The following ARHGAP10 variants were observed in gnomAD, a reference collection of about 807,000 sequenced individuals.
ARHGAP10 encodes Rho GTPase activating protein 10, also known as rho GTPase-activating protein 10.
ARHGAP10 carries 87 observed loss-of-function variants against 108.6 expected under a neutral mutation model. That is an observed-to-expected ratio of 0.80 (90% CI 0.67 to 0.96). ARHGAP10 has a LOEUF of 0.96. ARHGAP10 is among the 40% of genes least tolerant of loss of function. The pLI is 0.00. For missense variants in ARHGAP10, 939 were observed against 954.5 expected, an observed-to-expected ratio of 0.98 and a Z score of 0.21; for synonymous variants, 347 against 341.1, an observed-to-expected ratio of 1.02 and a Z score of -0.19.
At chr4:148,066,020 A>G (rs1055245248) in intron 22 of ARHGAP10, among the ~76,000 whole-genome samples, 1 of 150,778 alleles carries the variant, frequency 6.6e-6, no homozygotes, top group Non-Finnish European at 1.5e-5. Context: ...TAGTTTACAC[A>G]ATAGTAAGTG....
At chr4:147,821,048 G>A (rs1732473662) in intron 1 of ARHGAP10, among the ~76,000 whole-genome samples, 1 of 152,164 alleles carries the variant, frequency 6.6e-6, no homozygotes, top group African/African-American at 2.4e-5. Context: ...CCTCATGCAT[G>A]TACAGGGCTG....
At chr4:148,039,142 A>C (rs756176487) in intron 19 of ARHGAP10, among the ~76,000 whole-genome samples, 69 of 152,132 alleles carry the variant, frequency 4.5e-4, no homozygotes, top group Non-Finnish European at 8.2e-4. Flanking sequence ...TTAAAAGACA[A>C]CAATGGACAT....
At chr4:147,830,335 C>T (rs1258211312) in intron 3 of ARHGAP10, among the ~76,000 whole-genome samples, 2 of 152,106 alleles carry the variant, frequency 1.3e-5, no homozygotes, top group African/African-American at 4.8e-5. Flanking sequence ...GATGCCTGCT[C>T]TCTCAGCCCT....
intron 1 of ARHGAP10, among the ~76,000 whole-genome samples, chr4:147,753,412 C>T (rs560537611): frequency 3.3e-5 from 5 of 150,670 alleles, no homozygotes; most frequent in East Asian, 1.9e-4. Context: ...GATGTGATCT[C>T]GGCTCACTAC....
At chr4:147,933,183 T>G (rs1328596744) in intron 13 of ARHGAP10, among the ~76,000 whole-genome samples, 1 of 152,242 alleles carries the variant, frequency 6.6e-6, no homozygotes, top group Non-Finnish European at 1.5e-5. Flanking sequence ...TATTGCCTGT[T>G]AGGTGAGGCC....
intron 3 of ARHGAP10, among the ~76,000 whole-genome samples, chr4:147,833,278 C>G (rs1312524077): frequency 6.6e-6 from 1 of 152,136 alleles, no homozygotes; most frequent in Non-Finnish European, 1.5e-5. Flanking sequence ...CAGTTTTCCC[C>G]ATGCTGTTCT....
chr4:147,825,140 T>A (rs1732654739), intron 3 of ARHGAP10, among the ~76,000 whole-genome samples: 1 of 151,092 alleles, frequency 6.6e-6, no homozygotes, highest in Non-Finnish European at 1.5e-5. Flanking sequence ...GGGAGGACAC[T>A]GATTTGGATT....
chr4:147,991,822 C>A (rs1412268604), intron 18 of ARHGAP10, among the ~76,000 whole-genome samples: 1 of 152,178 alleles, frequency 6.6e-6, no homozygotes, highest in Non-Finnish European at 1.5e-5. Context: ...CGCTGAGTAC[C>A]TTTTAACTGC....
At chr4:147,907,715 A>G (rs947492805) in intron 11 of ARHGAP10, among the ~76,000 whole-genome samples, 2 of 152,192 alleles carry the variant, frequency 1.3e-5, no homozygotes, top group African/African-American at 2.4e-5. Flanking sequence ...CTAAATTAAC[A>G]TAGTATAAAA....
At chr4:147,766,801 T>C (rs1468116184) in intron 1 of ARHGAP10, among the ~76,000 whole-genome samples, 102 of 3,508 alleles carry the variant, frequency 0.029, 1 homozygote, top group Admixed American at 0.044. Flanking sequence ...TATATTCACA[T>C]ATATATATAT....
At chr4:147,991,980 A>G (rs1740295173) in intron 18 of ARHGAP10, among the ~76,000 whole-genome samples, 1 of 152,234 alleles carries the variant, frequency 6.6e-6, no homozygotes, top group African/African-American at 2.4e-5. Context: ...GCCACATTCA[A>G]AAAGTGCAGG....
intron 1 of ARHGAP10, among the ~76,000 whole-genome samples, chr4:147,758,964 C>A (rs1302980930): frequency 4.4e-5 from 6 of 136,348 alleles, no homozygotes; most frequent in Non-Finnish European, 7.7e-5. Context: ...GGGTAACAGA[C>A]TCTGTCTCAA....
At chr4:148,021,457 TGTATG>T (rs1287652125) in intron 18 of ARHGAP10, among the ~76,000 whole-genome samples, 2 of 152,264 alleles carry the variant, frequency 1.3e-5, no homozygotes, top group African/African-American at 2.4e-5. Context: ...ACTGGCTGTG[TGTATG>T]GTTTGGTTTT....
At chr4:148,028,505 A>G (rs2149667550) in intron 19 of ARHGAP10, among the ~76,000 whole-genome samples, 1 of 152,296 alleles carries the variant, frequency 6.6e-6, no homozygotes, top group Non-Finnish European at 1.5e-5. Flanking sequence ...TCAGTTGTTA[A>G]TGTGTTTAGC....
chr4:147,808,219 G>C (rs1044453716), intron 1 of ARHGAP10, among the ~76,000 whole-genome samples: 1 of 152,120 alleles, frequency 6.6e-6, no homozygotes, highest in Non-Finnish European at 1.5e-5. Flanking sequence ...CTGGCAGGGG[G>C]TTTCTTATGC....
chr4:147,750,334 G>A (rs1428291486), intron 1 of ARHGAP10, among the ~76,000 whole-genome samples: 1 of 152,090 alleles, frequency 6.6e-6, no homozygotes, highest in Non-Finnish European at 1.5e-5. Context: ...TTCTGACTGT[G>A]GCGTCAGTTT....
At chr4:147,915,713 T>C (rs1028110594) in intron 13 of ARHGAP10, among the ~76,000 whole-genome samples, 3 of 152,140 alleles carry the variant, frequency 2.0e-5, no homozygotes, top group Admixed American at 1.3e-4. Context: ...TGAATATTTT[T>C]CCCCCCAAAG....
intron 20 of ARHGAP10, among the ~76,000 whole-genome samples, chr4:148,058,742 A>G (rs935548476): frequency 6.6e-6 from 1 of 152,228 alleles, no homozygotes; most frequent in South Asian, 2.1e-4. Context: ...CTAAAAATAC[A>G]CTTTGTAAAG....
intron 8 of ARHGAP10, among the ~76,000 whole-genome samples, chr4:147,877,996 G>A (rs528204509): frequency 6.6e-5 from 10 of 152,090 alleles, no homozygotes; most frequent in Admixed American, 5.9e-4. Context: ...GAGGGCAGTG[G>A]CACGATCTCA....
Sources: gnomAD v4.1 joint callset for allele counts (sites outside exome capture counted in the v4.1 genomes callset) on GRCh38, gnomAD v4.1.1 for gene constraint, MANE v1.5 for transcripts, NCBI Gene and HGNC (gene_info 2026-07-23, HGNC 2026-07-21) for gene names.